The following CYLD variants were observed in gnomAD, a reference collection of about 807,000 sequenced individuals.
CYLD encodes the protein ubiquitin carboxyl-terminal hydrolase CYLD.
CYLD carries 26 observed loss-of-function variants against 104.5 expected under a neutral mutation model. That is an observed-to-expected ratio of 0.25 (90% CI 0.18 to 0.35). The LOEUF is 0.35. CYLD is among the 10% of genes least tolerant of loss of function. The pLI is 1.00. For synonymous variants in CYLD, 385 were observed against 399.9 expected, an observed-to-expected ratio of 0.96 and a Z score of 0.45; for missense variants, 703 against 1,136.1, an observed-to-expected ratio of 0.62 and a Z score of 5.48.
chr16:50,785,691 C>CCTGTCCA (rs1471788679), intron 12 of CYLD: 3 of 152,122 alleles, frequency 2.0e-5, no homozygotes, highest in Admixed American at 1.3e-4. Flanking sequence ...ACTTTCTTAC[C>CCTGTCCA]CTGTCCACGG....
At chr16:50,779,616 A>G in intron 8 of CYLD, 49 bp from the exon 9 acceptor site, 2 of 1,592,088 alleles carry the variant, frequency 1.3e-6, no homozygotes, top group South Asian at 1.1e-5. Flanking sequence ...AATGTAAGAC[A>G]GAGTCAATAT....
chr16:50,792,506 GTT>G (rs1971528744), intron 15 of CYLD, 89 bp from the exon 16 acceptor site: 4 of 847,900 alleles, frequency 4.7e-6, no homozygotes, highest in Non-Finnish European at 7.7e-6. Context: ...AGGCAGAACT[GTT>G]TTGTTTGACA....
At chr16:50,753,350 G>T (rs1252286276) in intron 4 of CYLD, among the ~76,000 whole-genome samples, 1 of 152,168 alleles carries the variant, frequency 6.6e-6, no homozygotes, top group Non-Finnish European at 1.5e-5. Flanking sequence ...GGTCATTGGG[G>T]TTGGTCTCCC....
intron 16 of CYLD, among the ~76,000 whole-genome samples, chr16:50,793,113 T>TAC (rs1024974672): frequency 5.6e-4 from 75 of 134,272 alleles, no homozygotes; most frequent in South Asian, 1.1e-3. Flanking sequence ...AAAGGAGCCA[T>TAC]ATACACACAC....
chr16:50,751,984 ATATATACACACAT>A, intron 4 of CYLD, 78 bp downstream of exon 4: 3 of 115,284 alleles, frequency 2.6e-5, no homozygotes, highest in African/African-American at 3.1e-4. Context: ...ATATAAACAT[ATATATACACACAT>A]ATATATACAC....
intron 14 of CYLD, among the ~76,000 whole-genome samples, chr16:50,789,841 A>C (rs2151024455): frequency 1.3e-5 from 2 of 152,346 alleles, no homozygotes; most frequent in Middle Eastern, 3.4e-3. Flanking sequence ...CAGATTTGAT[A>C]AACAGAATCA....
At position 50,797,051 on chromosome 16, in the gene CYLD, T is replaced by G. The variant is rs1160482549; in HGVS notation, c.*543T>G. 1 of 236,476 alleles carries G rather than the reference T, an allele frequency of 4.2e-6. No homozygotes were observed. Among genetic ancestry groups the G allele is most frequent in the African/African-American group, 2.2e-5 (1 of 45,352 alleles). The allele number at this position is 236,476 out of a possible 1,614,324, so 14.6% of individuals were successfully genotyped here. ...TCTTGCATGTCTACAATCTGCTCAGTTTTTCTGTGTTTCTGCAATAGTGGT... is the reference window on the plus strand; with the variant it reads ...TCTTGCATGTCTACAATCTGCTCAGGTTTTCTGTGTTTCTGCAATAGTGGT... On this transcript the variant is annotated 3_prime_UTR_variant, in exon 19 of 19. Transcript: ENST00000427738.
rs2151049362 is a variant in CYLD, at chr16:50,797,059, T to C, written c.*551T>C. 1 of 236,718 alleles carries C rather than the reference T, an allele frequency of 4.2e-6. No individual in the cohort carries two copies. The highest frequency in any genetic ancestry group is 2.2e-5 in the African/African-American group (1 of 45,476). The allele number at this position is 236,718 out of a possible 1,614,324, so 14.7% of individuals were successfully genotyped here. A position where few individuals can be genotyped will look rare whatever the true frequency, so the allele number is the denominator to read the frequency against. On this transcript the variant is annotated 3_prime_UTR_variant, in exon 19 of 19. Coordinates refer to ENST00000427738, the MANE Select transcript of CYLD (RefSeq NM_001378743.1). Reference sequence around the variant, plus strand: ...GTCTACAATCTGCTCAGTTTTTCTGTGTTTCTGCAATAGTGGTCAGAAAAA... The same window carrying C: ...GTCTACAATCTGCTCAGTTTTTCTGCGTTTCTGCAATAGTGGTCAGAAAAA...
At chr16:50,766,203 A>G (rs575738773) in intron 5 of CYLD, among the ~76,000 whole-genome samples, 1 of 152,336 alleles carries the variant, frequency 6.6e-6, no homozygotes, top group Admixed American at 6.5e-5. Flanking sequence ...TTTAAGTTGA[A>G]GCCAGGATTC....
intron 5 of CYLD, among the ~76,000 whole-genome samples, chr16:50,754,932 CAT>C (rs888987486): frequency 9.6e-5 from 14 of 145,572 alleles, no homozygotes; most frequent in South Asian, 4.2e-4. Context: ...TATATACACA[CAT>C]ATGTATATAT....
chr16:50,795,551 C>G, intron 18 of CYLD: 1 of 702,928 alleles, frequency 1.4e-6, no homozygotes. Flanking sequence ...CCTTTAGCTG[C>G]TCTCTCAGAT....
chr16:50,796,038 T>C (rs1463996603), intron 18 of CYLD, among the ~76,000 whole-genome samples: 1 of 152,090 alleles, frequency 6.6e-6, no homozygotes, highest in Non-Finnish European at 1.5e-5. Flanking sequence ...ACATATGTAT[T>C]GATAATATGA....
At chr16:50,782,022 G>T (rs1970267333) in intron 10 of CYLD, among the ~76,000 whole-genome samples, 7 of 152,172 alleles carry the variant, frequency 4.6e-5, no homozygotes. Context: ...ACTTGAAAGT[G>T]AAGCAACTTC....
chr16:50,750,348 C>T lies in CYLD; in HGVS notation c.504+146C>T, dbSNP rs577722536. 8.5e-6 allele frequency: 8 copies of T among 945,876 alleles called. No individual in the cohort carries two copies. The South Asian group carries it at 1.1e-4, about 13-fold the overall frequency. 58.6% of individuals were successfully genotyped at this position (945,876 alleles called of 1,614,324 possible). Reference sequence around the variant, plus strand: ...TAATTTTTAATATTCATCATCCTTGCTGATGAATCCATGTTGTGGTTGAAT... The same window carrying T: ...TAATTTTTAATATTCATCATCCTTGTTGATGAATCCATGTTGTGGTTGAAT... On this transcript the variant is annotated intron_variant, in intron 3 of 18. Coordinates refer to ENST00000427738, the MANE Select transcript of CYLD (RefSeq NM_001378743.1).
chr16:50,796,761 T>A lies in CYLD; in HGVS notation c.*253T>A. On this transcript the variant is annotated 3_prime_UTR_variant, in exon 19 of 19. Coordinates refer to ENST00000427738, the MANE Select transcript of CYLD (RefSeq NM_001378743.1). ...AAGTCTAAATGAAGTTATTAATACCTGAAGCTTTAAGTTAAGTGCATTGAT... is the reference window on the plus strand; with the variant it reads ...AAGTCTAAATGAAGTTATTAATACCAGAAGCTTTAAGTTAAGTGCATTGAT... 1 of 502,562 alleles carries A rather than the reference T, an allele frequency of 2.0e-6. No homozygotes were observed. The highest frequency in any genetic ancestry group is 2.1e-5 in the South Asian group (1 of 47,052). 31.1% of individuals were successfully genotyped at this position (502,562 alleles called of 1,614,324 possible).
intron 18 of CYLD, 132 bp from the exon 19 acceptor site, chr16:50,796,192 C>A: frequency 1.2e-6 from 1 of 836,054 alleles, no homozygotes; most frequent in South Asian, 1.7e-5. Context: ...CTTTCACTTC[C>A]AGAAATCAGA....
intron 5 of CYLD, among the ~76,000 whole-genome samples, chr16:50,756,407 G>C (rs181967814): frequency 1.3e-5 from 2 of 152,328 alleles, no homozygotes; most frequent in East Asian, 1.9e-4. Flanking sequence ...ATCCCTTTTA[G>C]TTTTGAGAAG....
chr16:50,794,886 G>T lies in CYLD; in HGVS notation c.2686+458G>T. ...TTAACCCTCCTTTTCCTCTCGATGTGCTGGGATTACAAGAGGAGCCAGTGC... is the reference window on the plus strand; with the variant it reads ...TTAACCCTCCTTTTCCTCTCGATGTTCTGGGATTACAAGAGGAGCCAGTGC... On this transcript the variant is annotated intron_variant, in intron 18 of 18. Transcript: ENST00000427738. The surrounding 1 kb of genome is among the most constrained non-coding windows in gnomAD (Gnocchi z 4.1). 1 of 224,088 alleles carries T rather than the reference G, an allele frequency of 4.5e-6. No homozygotes were observed. Among genetic ancestry groups the T allele is most frequent in the Admixed American group, 5.2e-5 (1 of 19,074 alleles). The allele number at this position is 224,088 out of a possible 1,614,324, so 13.9% of individuals were successfully genotyped here.
At chr16:50,783,127 T>C (rs1970429132) in intron 11 of CYLD, among the ~76,000 whole-genome samples, 1 of 152,006 alleles carries the variant, frequency 6.6e-6, no homozygotes, top group African/African-American at 2.4e-5. Flanking sequence ...GACGGGGGTT[T>C]CACCACGTTG....
Sources: gnomAD v4.1 joint callset for allele counts (sites outside exome capture counted in the v4.1 genomes callset) on GRCh38, gnomAD v4.1.1 for gene constraint, Gnocchi (gnomAD v3.1) non-coding constraint, MANE v1.5 for transcripts, NCBI Gene and HGNC (gene_info 2026-07-23, HGNC 2026-07-21) for gene names.